IL21R: variants seen among roughly 807,000 people sequenced by gnomAD.
IL21R encodes the protein interleukin 21 receptor.
In IL21R, 14 loss-of-function variants were observed where a neutral mutation model predicts 41.3. The ratio of observed to expected loss-of-function variants is 0.34; its 90% confidence interval spans 0.22 to 0.53. The LOEUF (loss-of-function observed/expected upper bound fraction) is 0.53. Ranked by LOEUF, IL21R falls within the 20% of genes least tolerant of loss-of-function variation. The pLI is 0.94. For synonymous variants in IL21R, 286 were observed against 287.6 expected (o/e 0.99, Z 0.05); for missense variants, 588 against 681.6 (o/e 0.86, Z 1.53).
chr16:27,431,816 G>T (rs551851185), intron 2 of IL21R, among the ~76,000 whole-genome samples: 1 of 152,084 alleles, frequency 6.6e-6, no homozygotes, highest in Admixed American at 6.5e-5. Flanking sequence ...GCTAATTTTC[G>T]TATTTTTAGT....
At chr16:27,439,446 GCA>G (rs888340376) in intron 4 of IL21R, among the ~76,000 whole-genome samples, 4 of 150,972 alleles carry the variant, frequency 2.6e-5, no homozygotes, top group Non-Finnish European at 4.4e-5. Context: ...GCACACACAC[GCA>G]CACACTCACA....
chr16:27,420,909 C>CT (rs199695909), intron 1 of IL21R, among the ~76,000 whole-genome samples: 6,522 of 152,168 alleles, frequency 0.043, 143 homozygotes, highest in Non-Finnish European at 0.055. Flanking sequence ...AAGATTTACA[C>CT]CTAGGTTTAT....
At chr16:27,421,075 C>T (rs895258475) in intron 1 of IL21R, among the ~76,000 whole-genome samples, 1 of 151,982 alleles carries the variant, frequency 6.6e-6, no homozygotes, top group African/African-American at 2.4e-5. Flanking sequence ...ATTCTTTCCC[C>T]CATTGAATTG....
intron 4 of IL21R, among the ~76,000 whole-genome samples, chr16:27,440,248 T>TATATATATATAGAGAGAGAGAGAG (rs1352160946): frequency 1.1e-4 from 7 of 64,034 alleles, no homozygotes; most frequent in Admixed American, 1.8e-4. Context: ...TATATATATA[T>TATATATATATAGAGAGAGAGAGAG]AGAGAGAGAG....
chr16:27,430,251 C>G (rs2087148029), intron 2 of IL21R, 131 bp downstream of exon 2: 1 of 725,690 alleles, frequency 1.4e-6, no homozygotes, highest in South Asian at 1.8e-5. Context: ...CATCCATGCC[C>G]TTGAGGCTGA....
At chr16:27,403,019 G>A (rs2141250624) in intron 1 of IL21R, 2 of 437,962 alleles carry the variant, frequency 4.6e-6, no homozygotes, top group Non-Finnish European at 9.2e-6. Flanking sequence ...CAGTTTCTAT[G>A]TCTTACCACC....
At chr16:27,415,815 C>T (rs1367134272) in intron 1 of IL21R, among the ~76,000 whole-genome samples, 1 of 152,194 alleles carries the variant, frequency 6.6e-6, no homozygotes, top group Non-Finnish European at 1.5e-5. Context: ...ATTGACATGG[C>T]TATATTCCCA....
In IL21R at chr16:27,451,000, G is replaced by C. The variant is rs2087587129; in HGVS notation, c.*1717G>C. 1 of 230,704 alleles carries C rather than the reference G, an allele frequency of 4.3e-6. No individual in the cohort carries two copies. 14.3% of individuals were successfully genotyped at this position (230,704 alleles called of 1,614,324 possible). ...TGAGAGTCCTCGGTGCCTGGCAGGA[G>C]GCTGGAAGGTTCTAGAACACTGATG... On this transcript the variant is annotated 3_prime_UTR_variant, in exon 9 of 9. Transcript: ENST00000337929.
At chr16:27,424,438 T>C (rs2087044501) in intron 1 of IL21R, among the ~76,000 whole-genome samples, 1 of 152,180 alleles carries the variant, frequency 6.6e-6, no homozygotes, top group Non-Finnish European at 1.5e-5. Flanking sequence ...CCCAAGCTTC[T>C]CCATTTCCCC....
rs1439689772 is a variant in IL21R, at chr16:27,448,963, G to A, written c.1297G>A (p.Ala433Thr). Residue 433 changes from alanine to threonine, a missense_variant, in exon 9 of 9, where the codon GCT becomes ACT. Coordinates refer to ENST00000337929, the MANE Select transcript of IL21R (RefSeq NM_181078.3). ...AGTCCTGTCCTGTGGCTGTGTCTCA[G>A]CTGGCAGCCCTGGGCTAGGAGGGCC... Reference protein sequence around the residue: ...TTVLSCGCVSAGSPGLGGPLG... With the variant: ...TTVLSCGCVSTGSPGLGGPLG... The A allele has an allele frequency of 6.2e-7, 1 of 1,613,242 alleles. No individual in the cohort carries two copies. Among genetic ancestry groups the A allele is most frequent in the South Asian group, 1.1e-5 (1 of 91,074 alleles).
At chr16:27,412,697 G>T (rs940647764) in intron 1 of IL21R, among the ~76,000 whole-genome samples, 2 of 151,820 alleles carry the variant, frequency 1.3e-5, no homozygotes, top group Admixed American at 6.6e-5. Flanking sequence ...TCTCCTCCTT[G>T]GCTAAGTTTA....
rs1443142604 is a variant in IL21R at position 27,448,914 on chromosome 16, C to T, written c.1248C>T (p.Asp416=). The part of the protein sequence containing the change: ...AGLEPSPGLE[D]PLLDAGTTVL... Reference sequence around the variant, plus strand: ...TGGAGCCCAGCCCAGGCCTAGAGGACCCACTCTTGGATGCAGGGACCACAG... The same window carrying T: ...TGGAGCCCAGCCCAGGCCTAGAGGATCCACTCTTGGATGCAGGGACCACAG... Residue 416 remains aspartate, a synonymous_variant, in exon 9 of 9, where the codon GAC becomes GAT. Coordinates refer to ENST00000337929, the MANE Select transcript of IL21R (RefSeq NM_181078.3). 1 of 1,612,226 alleles carries T rather than the reference C, an allele frequency of 6.2e-7. No individual in the cohort carries two copies. The highest frequency in any genetic ancestry group is 1.3e-5 in the African/African-American group (1 of 75,008).
At chr16:27,448,398 T>C in intron 8 of IL21R, 136 bp from the exon 9 acceptor site, 2 of 911,812 alleles carry the variant, frequency 2.2e-6, no homozygotes, top group Non-Finnish European at 1.6e-6. Flanking sequence ...GAGGTTGCAG[T>C]GAACCGAGAT....
At position 27,449,269 on chromosome 16, in the gene IL21R, C is replaced by A. The variant is rs368359167; in HGVS notation, c.1603C>A (p.Pro535Thr). The change falls in exon 9 of 9, where the codon CCC (proline) becomes ACC (threonine). Residue 535 changes from proline (P) to threonine (T), a missense_variant. Physicochemically the swap from Pro to Thr is conservative, Grantham distance 38. Transcript: ENST00000337929. ...TCCTCCGCCACTTTCGAGCCCTGGA[C>A]CCCAGGCCAGCTAATGAGGCTGACT... Reference protein sequence around the residue: ...VIPPPLSSPGPQAS With the variant: ...VIPPPLSSPGTQAS The A allele has an allele frequency of 6.3e-7, 1 of 1,599,140 alleles. No homozygotes were observed. Among genetic ancestry groups the A allele is most frequent in the Non-Finnish European group, 8.5e-7 (1 of 1,172,814 alleles).
At chr16:27,418,033 T>C (rs926770535) in intron 1 of IL21R, among the ~76,000 whole-genome samples, 3 of 136,150 alleles carry the variant, frequency 2.2e-5, no homozygotes, top group African/African-American at 7.7e-5. Context: ...TTATTTTATT[T>C]TATTTTATTT....
In IL21R at chr16:27,428,397, G is replaced by A. The variant is rs954374296; in HGVS notation, c.-16-1659G>A. Among the ~76,000 whole-genome samples, 11 of 152,366 alleles carry A rather than the reference G, an allele frequency of 7.2e-5. No individual in the cohort carries two copies. In the East Asian group the frequency reaches 1.2e-3, roughly 16 times the overall value. Reference sequence around the variant, plus strand: ...CCAGAGTAGGATCTTTGGGAACCCCGGCACAGAGGAGGAGGATCTTCCCCT... The same window carrying A: ...CCAGAGTAGGATCTTTGGGAACCCCAGCACAGAGGAGGAGGATCTTCCCCT... On this transcript the variant is annotated intron_variant, in intron 1 of 8. Coordinates refer to ENST00000337929, the MANE Select transcript of IL21R (RefSeq NM_181078.3).
intron 8 of IL21R, among the ~76,000 whole-genome samples, chr16:27,447,456 C>T (rs541823614): frequency 3.3e-5 from 5 of 152,172 alleles, no homozygotes; most frequent in African/African-American, 1.2e-4. Flanking sequence ...GGAAGATGAG[C>T]TCAAAACAGG....
At chr16:27,427,749 G>A (rs1304519140) in intron 1 of IL21R, among the ~76,000 whole-genome samples, 1 of 152,118 alleles carries the variant, frequency 6.6e-6, no homozygotes, top group East Asian at 1.9e-4. Context: ...GGTGATGGAT[G>A]TGGACAGAAT....
intron 1 of IL21R, among the ~76,000 whole-genome samples, chr16:27,405,538 C>G (rs998912158): frequency 6.6e-6 from 1 of 152,146 alleles, no homozygotes; most frequent in Non-Finnish European, 1.5e-5. Flanking sequence ...CTCAGGGAAC[C>G]GTCTAGAAGG....
Sources: gnomAD v4.1 joint callset for allele counts (sites outside exome capture counted in the v4.1 genomes callset) on GRCh38, gnomAD v4.1.1 for gene constraint, MANE v1.5 for transcripts, NCBI Gene and HGNC (gene_info 2026-07-23, HGNC 2026-07-21) for gene names.